The following SHISA9 variants were observed in gnomAD, a reference collection of about 807,000 sequenced individuals.
SHISA9 encodes protein shisa-9.
In SHISA9, 13 loss-of-function variants were observed where a neutral mutation model predicts 38.0. The observed-to-expected ratio is 0.34, with a 90% CI of 0.22 to 0.54. The LOEUF (loss-of-function observed/expected upper bound fraction) is 0.54, where lower values mean the gene tolerates loss of function less well. Among genes scored for constraint, SHISA9 ranks in the 20% least tolerant of loss-of-function variants. The pLI, the probability that SHISA9 is intolerant of heterozygous loss-of-function variation, is 0.91. For missense variants in SHISA9, 538 were observed against 575.8 expected, an observed-to-expected ratio of 0.93 and a Z score of 0.67; for synonymous variants, 275 against 242.0, an observed-to-expected ratio of 1.14 and a Z score of -1.27.
At chr16:13,227,361 G>C (rs1596750400) in intron 4 of SHISA9, among the ~76,000 whole-genome samples, 1 of 152,218 alleles carries the variant, frequency 6.6e-6, no homozygotes, top group African/African-American at 2.4e-5. Context: ...GGAAATATTT[G>C]TTAGATATAG....
At chr16:13,225,069 A>C (rs2051265794) in intron 4 of SHISA9, among the ~76,000 whole-genome samples, 1 of 152,118 alleles carries the variant, frequency 6.6e-6, no homozygotes, top group Non-Finnish European at 1.5e-5. Context: ...ATATCCTTAT[A>C]AGAAGGGAGA....
At chr16:12,925,117 G>A (rs1463193961) in intron 2 of SHISA9, among the ~76,000 whole-genome samples, 1 of 152,206 alleles carries the variant, frequency 6.6e-6, no homozygotes, top group Non-Finnish European at 1.5e-5. Context: ...TCTTCACAGT[G>A]AAAATGTTTT....
chr16:13,152,208 T>C (rs1374375669), intron 2 of SHISA9, among the ~76,000 whole-genome samples: 2 of 152,298 alleles, frequency 1.3e-5, no homozygotes, highest in East Asian at 3.9e-4. Context: ...AGAAATAAAT[T>C]CATCTAGTTG....
intron 2 of SHISA9, among the ~76,000 whole-genome samples, chr16:13,084,358 C>T (rs9940444): frequency 6.6e-6 from 1 of 152,224 alleles, no homozygotes; most frequent in African/African-American, 2.4e-5. Context: ...AATGACCTCC[C>T]TGCTGCTTAG....
the SHISA9 span, among the ~76,000 whole-genome samples, chr16:13,414,577 G>T: frequency 4.6e-5 from 7 of 151,914 alleles, no homozygotes; most frequent in African/African-American, 1.5e-4. Context: ...AAGCGGACAT[G>T]TAGGGGCTCA....
rs1171955894 is a variant in SHISA9 at position 12,901,827 on chromosome 16, C to T, written c.-238C>T. The T allele has an allele frequency of 6.7e-6, 1 of 148,890 alleles. No individual in the cohort carries two copies. Among genetic ancestry groups the T allele is most frequent in the African/African-American group, 2.5e-5 (1 of 40,508 alleles). 9.2% of individuals were successfully genotyped at this position (148,890 alleles called of 1,614,324 possible). On this transcript the variant is annotated 5_prime_UTR_variant, in exon 1 of 5. Coordinates refer to ENST00000558583, the MANE Select transcript of SHISA9 (RefSeq NM_001145204.3). The stretch of plus-strand genomic sequence containing the variant: ...CCCCCGCCCGGCCGGGCGCGCTCCT[C>T]CCCGGCCGGCCCCTCGGCGCGCGGC...
intron 2 of SHISA9, among the ~76,000 whole-genome samples, chr16:13,082,869 C>G (rs1204145665): frequency 6.6e-6 from 1 of 152,172 alleles, no homozygotes; most frequent in Non-Finnish European, 1.5e-5. Context: ...CAGAGGTGAC[C>G]AAGGTGCAAA....
chr16:13,175,920 G>C (rs976452211), intron 2 of SHISA9, among the ~76,000 whole-genome samples: 1 of 152,124 alleles, frequency 6.6e-6, no homozygotes, highest in African/African-American at 2.4e-5. Flanking sequence ...GAGGGCTATT[G>C]AGTTGGCAGA....
the SHISA9 span, among the ~76,000 whole-genome samples, chr16:13,372,392 G>T: frequency 6.6e-6 from 1 of 152,188 alleles, no homozygotes; most frequent in African/African-American, 2.4e-5. Flanking sequence ...TCTATCTAAG[G>T]TAAGTCCAGG....
the SHISA9 span, among the ~76,000 whole-genome samples, chr16:13,300,831 CT>C: frequency 1.7e-5 from 2 of 114,694 alleles, no homozygotes; most frequent in African/African-American, 3.3e-5. Context: ...AATCTCCCCC[CT>C]CCCCTCCCCT....
the SHISA9 span, among the ~76,000 whole-genome samples, chr16:13,315,431 C>G: frequency 6.6e-6 from 1 of 152,152 alleles, no homozygotes; most frequent in Non-Finnish European, 1.5e-5. Flanking sequence ...AAGCTTAGCA[C>G]AGAGGTTTAT....
chr16:13,408,524 G>T, the SHISA9 span, among the ~76,000 whole-genome samples: 3 of 152,032 alleles, frequency 2.0e-5, no homozygotes, highest in Admixed American at 2.0e-4. Flanking sequence ...TAGCATAACT[G>T]ATAAAAATTT....
chr16:13,443,288 C>T, the SHISA9 span, among the ~76,000 whole-genome samples: 1 of 152,150 alleles, frequency 6.6e-6, no homozygotes, highest in African/African-American at 2.4e-5. Context: ...CTTCGGAGAA[C>T]TTTTTCTAGG....
At chr16:13,233,408 T>G (rs576211823) in intron 4 of SHISA9, among the ~76,000 whole-genome samples, 2 of 152,326 alleles carry the variant, frequency 1.3e-5, no homozygotes, top group South Asian at 4.1e-4. Flanking sequence ...GTTGGCAATA[T>G]GTATCAAGAG....
chr16:13,098,531 A>AG (rs2073848917), intron 2 of SHISA9, among the ~76,000 whole-genome samples: 2 of 152,280 alleles, frequency 1.3e-5, no homozygotes, highest in African/African-American at 2.4e-5. Flanking sequence ...CAAGTGAGAA[A>AG]GGGGGGAGGT....
chr16:13,363,150 G>T, the SHISA9 span, among the ~76,000 whole-genome samples: 1 of 152,090 alleles, frequency 6.6e-6, no homozygotes, highest in Non-Finnish European at 1.5e-5. Flanking sequence ...AGTCTATATG[G>T]GTAAACAAGC....
At chr16:12,914,153 G>T (rs34667292) in intron 1 of SHISA9, among the ~76,000 whole-genome samples, 1 of 147,406 alleles carries the variant, frequency 6.8e-6, no homozygotes, top group Admixed American at 6.9e-5. Context: ...TCAAGCAATT[G>T]TCCTGCCTCA....
intron 2 of SHISA9, among the ~76,000 whole-genome samples, chr16:13,088,918 G>A (rs1384278446): frequency 6.6e-6 from 1 of 152,096 alleles, no homozygotes; most frequent in African/African-American, 2.4e-5. Flanking sequence ...TCCACTTTTT[G>A]CCCATTCAGT....
the SHISA9 span, among the ~76,000 whole-genome samples, chr16:13,263,160 A>T: frequency 6.6e-6 from 1 of 152,164 alleles, no homozygotes; most frequent in African/African-American, 2.4e-5. Flanking sequence ...TCTCATGGAC[A>T]TTTCTCATCT....
Sources: allele counts gnomAD v4.1 joint callset (sites outside exome capture counted in the v4.1 genomes callset), GRCh38; gene constraint gnomAD v4.1.1; transcripts MANE v1.5; gene names NCBI Gene and HGNC (gene_info 2026-07-23, HGNC 2026-07-21).